The following SLC7A14 variants were observed in gnomAD, a reference collection of about 807,000 sequenced individuals.
SLC7A14 encodes the protein solute carrier family 7 member 14.
Under a neutral mutation model 60.2 loss-of-function variants are expected in SLC7A14, and 37 were observed. The ratio of observed to expected loss-of-function variants is 0.61; its 90% confidence interval spans 0.47 to 0.81. SLC7A14 has a LOEUF of 0.81. Among genes scored for constraint, SLC7A14 ranks in the 30% least tolerant of loss-of-function variants. SLC7A14 has a pLI of 0.00. For synonymous variants in SLC7A14, 399 were observed against 395.8 expected, an observed-to-expected ratio of 1.01 and a Z score of -0.10; for missense variants, 886 against 982.7, an observed-to-expected ratio of 0.90 and a Z score of 1.32.
At chr3:170,471,882 T>TA in intron 7 of SLC7A14, among the ~76,000 whole-genome samples, 1 of 152,342 alleles carries the variant, frequency 6.6e-6, no homozygotes, top group South Asian at 2.1e-4. Flanking sequence ...GCTTTGTAGT[T>TA]ACATAACTTA....
chr3:170,572,834 T>C lies in SLC7A14; in HGVS notation c.-153+13077A>G, dbSNP rs1714991732. 2.0e-5 allele frequency among the ~76,000 whole-genome samples: 3 copies of C among 152,368 alleles called. No homozygotes were observed. The South Asian group carries it at 6.2e-4, about 32-fold the overall frequency. ...ATAGAAAGTGTGTCAAAAGTCTTTGTGACTAGGACAGACTCTAAAATGAAT... is the reference window on the plus strand; with the variant it reads ...ATAGAAAGTGTGTCAAAAGTCTTTGCGACTAGGACAGACTCTAAAATGAAT... On this transcript the variant is annotated intron_variant, in intron 1 of 7. Coordinates refer to ENST00000231706, the MANE Select transcript of SLC7A14 (RefSeq NM_020949.3).
intron 2 of SLC7A14, among the ~76,000 whole-genome samples, chr3:170,520,458 TC>T (rs1449819689): frequency 6.6e-6 from 1 of 152,098 alleles, no homozygotes; most frequent in African/African-American, 2.4e-5. Context: ...TAGCAATGGG[TC>T]CTTTGGAAAT....
At chr3:170,473,136 C>T (rs1329993112) in intron 7 of SLC7A14, among the ~76,000 whole-genome samples, 1 of 152,122 alleles carries the variant, frequency 6.6e-6, no homozygotes, top group Non-Finnish European at 1.5e-5. Flanking sequence ...GCTAAGCTTG[C>T]GTTCATATAC....
At chr3:170,574,653 T>C (rs907833272) in intron 1 of SLC7A14, among the ~76,000 whole-genome samples, 3 of 152,290 alleles carry the variant, frequency 2.0e-5, no homozygotes, top group African/African-American at 7.2e-5. Flanking sequence ...GATGGGCCAA[T>C]ACAGCATGAA....
chr3:170,464,009 G>T lies in SLC7A14; in HGVS notation c.*3046C>A, dbSNP rs919577384. On this transcript the variant is annotated 3_prime_UTR_variant, in exon 8 of 8. Coordinates refer to ENST00000231706, the MANE Select transcript of SLC7A14 (RefSeq NM_020949.3). ...ACCACTAATTCTATTATTTTTCATG[G>T]TGTCACTCATTGGCAAATTTAGTAA... 1 of 152,124 alleles carries T rather than the reference G, an allele frequency of 6.6e-6. No homozygotes were observed. The highest frequency in any genetic ancestry group is 6.5e-5 in the Admixed American group (1 of 15,272). The allele number at this position is 152,124 out of a possible 1,614,324, so 9.4% of individuals were successfully genotyped here.
In SLC7A14 at chr3:170,462,886, A is replaced by C. The variant is rs975450593; in HGVS notation, c.*4169T>G. 6.6e-6 allele frequency: 1 copy of C among 152,226 alleles called. No homozygotes were observed. The highest frequency in any genetic ancestry group is 2.4e-5 in the African/African-American group (1 of 41,462). The allele number at this position is 152,226 out of a possible 1,614,324, so 9.4% of individuals were successfully genotyped here. ...AAATTGTGTTGCTTGTCCACGTATT[A>C]AATGGCTGTATTTTCTTAGGTTAAT... is the stretch of plus-strand genomic sequence containing the variant. On this transcript the variant is annotated 3_prime_UTR_variant, in exon 8 of 8. Coordinates refer to ENST00000231706, the MANE Select transcript of SLC7A14 (RefSeq NM_020949.3).
At chr3:170,471,110 T>TGTGTGTGTGTGA (rs1418622094) in intron 7 of SLC7A14, among the ~76,000 whole-genome samples, 1 of 151,954 alleles carries the variant, frequency 6.6e-6, no homozygotes, top group Non-Finnish European at 1.5e-5. Flanking sequence ...TGTGTGTGTG[T>TGTGTGTGTGTGA]GTGTGTGTGT....
chr3:170,584,000 A>G (rs1236657680), intron 1 of SLC7A14, among the ~76,000 whole-genome samples: 1 of 152,234 alleles, frequency 6.6e-6, no homozygotes, highest in African/African-American at 2.4e-5. Context: ...AGGCATGAAA[A>G]TGGCTTGGAC....
chr3:170,492,689 T>C (rs762424370), intron 4 of SLC7A14, among the ~76,000 whole-genome samples: 6 of 152,150 alleles, frequency 3.9e-5, no homozygotes, highest in Non-Finnish European at 5.9e-5. Context: ...AAAAGCAATG[T>C]CATTAGTGGC....
At chr3:170,485,770 A>G (rs558101672) in intron 5 of SLC7A14, among the ~76,000 whole-genome samples, 2 of 152,272 alleles carry the variant, frequency 1.3e-5, no homozygotes, top group East Asian at 3.9e-4. Context: ...TTTGTAGAGG[A>G]CAATGTATTC....
At chr3:170,486,457 C>G (rs1279642157) in intron 4 of SLC7A14, 89 bp from the exon 5 acceptor site, 27 of 1,535,738 alleles carry the variant, frequency 1.8e-5, no homozygotes, top group Non-Finnish European at 2.2e-5. Context: ...CTATGCCCTG[C>G]AGACATGACT....
chr3:170,523,503 C>A (rs1454828255), intron 2 of SLC7A14, among the ~76,000 whole-genome samples: 1 of 152,170 alleles, frequency 6.6e-6, no homozygotes, highest in African/African-American at 2.4e-5. Context: ...TGTGATTCAG[C>A]ACAGTTTAGT....
At chr3:170,563,500 C>A (rs1009211366) in intron 1 of SLC7A14, among the ~76,000 whole-genome samples, 2 of 150,740 alleles carry the variant, frequency 1.3e-5, no homozygotes, top group Non-Finnish European at 3.0e-5. Context: ...TCACTGCAAC[C>A]TCTGCCTCCT....
At chr3:170,469,046 C>A (rs1419711550) in intron 7 of SLC7A14, among the ~76,000 whole-genome samples, 1 of 152,178 alleles carries the variant, frequency 6.6e-6, no homozygotes, top group East Asian at 1.9e-4. Context: ...GCCTGATGGG[C>A]ACAGTGTTCC....
rs1184205894 is a variant in SLC7A14, at chr3:170,480,908, G to A, written c.1374C>T (p.Asp458=). 5 of 1,613,986 alleles carry A rather than the reference G, an allele frequency of 3.1e-6. No homozygotes were observed. The African/African-American group carries it at 5.3e-5, about 17-fold the overall frequency. ...CAGGAGAACAAGCTTCCTTCTCACA[G>A]TCAGCCAGAATGCCCTCCTTCTTCT... is the stretch of plus-strand genomic sequence containing the variant. ...HTKKKEGILA[D]CEKEACSPVS... The change falls in exon 7 of 8, where the codon GAC becomes GAT. Residue 458 remains aspartate (D), a synonymous_variant. Transcript: ENST00000231706.
intron 4 of SLC7A14, among the ~76,000 whole-genome samples, chr3:170,489,494 T>C (rs1287390614): frequency 1.3e-5 from 2 of 152,236 alleles, no homozygotes; most frequent in Admixed American, 6.5e-5. Flanking sequence ...TTTTTGGGAA[T>C]GTAAATTAGT....
chr3:170,468,612 A>G (rs1290572288), intron 7 of SLC7A14, among the ~76,000 whole-genome samples: 2 of 152,174 alleles, frequency 1.3e-5, no homozygotes, highest in East Asian at 1.9e-4. Flanking sequence ...CCCATTTTCT[A>G]TCTTGAATAG....
At chr3:170,554,663 T>G (rs2108306909) in intron 1 of SLC7A14, among the ~76,000 whole-genome samples, 1 of 152,316 alleles carries the variant, frequency 6.6e-6, no homozygotes, top group Admixed American at 6.5e-5. Flanking sequence ...CTCCCTATTC[T>G]CTGCCCCACG....
intron 1 of SLC7A14, among the ~76,000 whole-genome samples, chr3:170,538,903 G>C (rs998124919): frequency 3.3e-5 from 5 of 152,024 alleles, no homozygotes; most frequent in African/African-American, 1.2e-4. Flanking sequence ...TGTTCCTTTG[G>C]GACTCAGCTT....
Sources: allele counts gnomAD v4.1 joint callset (sites outside exome capture counted in the v4.1 genomes callset), GRCh38; gene constraint gnomAD v4.1.1; transcripts MANE v1.5; gene names NCBI Gene and HGNC (gene_info 2026-07-23, HGNC 2026-07-21).